Variants in PKP2 observed in about 807,000 individuals in gnomAD.
The protein encoded by PKP2 is plakophilin 2, also known as plakophilin-2.
In PKP2, 73 loss-of-function variants were observed where a neutral mutation model predicts 83.4. The ratio of observed to expected loss-of-function variants is 0.88; its 90% CI spans 0.72 to 1.06. PKP2 has a LOEUF of 1.06. Ranked by LOEUF, PKP2 falls within the 50% of genes least tolerant of loss-of-function variation. The probability of loss-of-function intolerance (pLI) is 0.00; values close to 1 mark genes in which losing one functional copy is unlikely to be tolerated. For missense variants in PKP2, 966 were observed against 1,065.4 expected, an observed-to-expected ratio of 0.91 and a Z score of 1.30; for synonymous variants, 409 against 430.4, an observed-to-expected ratio of 0.95 and a Z score of 0.62.
chr12:32,875,604 T>C (rs745588214), intron 3 of PKP2, among the ~76,000 whole-genome samples: 1 of 152,072 alleles, frequency 6.6e-6, no homozygotes, highest in East Asian at 1.9e-4. Flanking sequence ...GAAAGATAAT[T>C]CTGACAGTCC....
At position 32,896,664 on chromosome 12, in the gene PKP2, C is replaced by T. The variant is rs746530389; in HGVS notation, c.68G>A (p.Gly23Glu). Residue 23 changes from glycine (G) to glutamate (E), a missense_variant, in exon 1 of 13, where the codon GGA becomes GAA. By Grantham distance (98) the Gly-to-Glu change is moderately conservative. Transcript: ENST00000340811. Reference sequence around the variant, plus strand: ...CGCCAGGCTGGAGCTGTCCAGTTGTCCCAGGATCTGCTGGCCCAGGACGGT... The same window carrying T: ...CGCCAGGCTGGAGCTGTCCAGTTGTTCCAGGATCTGCTGGCCCAGGACGGT... ...IRTVLGQQIL[G>E]QLDSSSLALP... 5.2e-5 allele frequency: 81 copies of T among 1,559,436 alleles called. No individual in the cohort carries two copies. The highest frequency in any genetic ancestry group is 6.7e-5 in the Non-Finnish European group (78 of 1,161,890).
intron 1 of PKP2, among the ~76,000 whole-genome samples, chr12:32,887,680 G>A (rs1470070437): frequency 6.6e-6 from 1 of 152,154 alleles, no homozygotes; most frequent in African/African-American, 2.4e-5. Flanking sequence ...TCAAACTCCT[G>A]GCCTCAAGAG....
At chr12:32,874,349 G>C (rs1467715286) in intron 3 of PKP2, among the ~76,000 whole-genome samples, 1 of 152,114 alleles carries the variant, frequency 6.6e-6, no homozygotes, top group African/African-American at 2.4e-5. Flanking sequence ...AGAGGAAAGG[G>C]GGAGGTCAGA....
chr12:32,880,251 T>C (rs1370150008), intron 1 of PKP2, among the ~76,000 whole-genome samples: 4 of 151,168 alleles, frequency 2.6e-5, no homozygotes, highest in African/African-American at 9.7e-5. Context: ...AATACAAAAA[T>C]TAGTCGGGGG....
intron 6 of PKP2, among the ~76,000 whole-genome samples, chr12:32,824,746 T>C (rs1956419561): frequency 6.6e-6 from 1 of 152,238 alleles, no homozygotes; most frequent in African/African-American, 2.4e-5. Flanking sequence ...GAGTTTGCAG[T>C]GTGTAAGGCT....
chr12:32,809,820 G>C (rs968130168), intron 9 of PKP2, among the ~76,000 whole-genome samples: 1 of 152,126 alleles, frequency 6.6e-6, no homozygotes, highest in African/African-American at 2.4e-5. Flanking sequence ...TGGGGGTGGG[G>C]GTTCCTTTGG....
chr12:32,845,457 C>T (rs983955412), intron 5 of PKP2, among the ~76,000 whole-genome samples: 37 of 152,114 alleles, frequency 2.4e-4, no homozygotes, highest in Admixed American at 7.2e-4. Context: ...GAGGCTGAGG[C>T]AGGAGAATGG....
Position 32,861,930 on chromosome 12 carries a change from C to G in PKP2, c.1170+6997G>C, listed in dbSNP as rs552397640. ...TCTTTGAGACAGAGAGAGAGTCTCA[C>G]TCTGTTGCCCAGGCTGGAGTGCAGT... On this transcript the variant is annotated intron_variant, in intron 4 of 12. Transcript: ENST00000340811. 1.1e-4 allele frequency among the ~76,000 whole-genome samples: 17 copies of G among 152,300 alleles called. No homozygotes were observed. In the South Asian group the frequency reaches 3.5e-3, roughly 32 times the overall value.
intron 9 of PKP2, chr12:32,820,312 G>C (rs1304768644): frequency 6.6e-6 from 1 of 152,164 alleles, no homozygotes; most frequent in East Asian, 1.9e-4. Context: ...GAGCTATTTG[G>C]GGGGAGTTTA....
chr12:32,868,609 G>A (rs1421918329), intron 4 of PKP2, among the ~76,000 whole-genome samples: 4 of 152,012 alleles, frequency 2.6e-5, no homozygotes. Flanking sequence ...CGCAACCTCC[G>A]CCTTCTGGCT....
chr12:32,842,866 G>A (rs1956608884), intron 5 of PKP2, among the ~76,000 whole-genome samples: 1 of 151,828 alleles, frequency 6.6e-6, no homozygotes, highest in Admixed American at 6.6e-5. Context: ...GTAGAGACGG[G>A]GTTTCACCAT....
intron 10 of PKP2, among the ~76,000 whole-genome samples, chr12:32,802,180 A>ATTT (rs11459735): frequency 1.3e-5 from 2 of 150,672 alleles, no homozygotes; most frequent in African/African-American, 4.9e-5. Flanking sequence ...TTTTGTAGTA[A>ATTT]TTTTTTTTTT....
Position 32,877,904 on chromosome 12 carries a change from C to T in PKP2, c.976G>A (p.Ala326Thr), listed in dbSNP as rs148480056. 40 of 1,614,044 alleles carry T rather than the reference C, an allele frequency of 2.5e-5. No individual in the cohort carries two copies. The highest frequency in any genetic ancestry group is 4.5e-5 in the East Asian group (2 of 44,886). ...GTGAGCAGATTCCCACTTCCCCCTGCGGCCGCCTGGCCGACAGTCAAGTGC... is the reference window on the plus strand; with the variant it reads ...GTGAGCAGATTCCCACTTCCCCCTGTGGCCGCCTGGCCGACAGTCAAGTGC... Reference protein sequence around the residue: ...RAHLTVGQAAAGGSGNLLTER... With the variant: ...RAHLTVGQAATGGSGNLLTER... The change falls in exon 3 of 13, where the codon GCA becomes ACA. Residue 326 changes from alanine to threonine, a missense_variant. Physicochemically the swap from Ala to Thr is moderately conservative, Grantham distance 58. Transcript: ENST00000340811.
chr12:32,792,821 T>C, intron 11 of PKP2, 90 bp from the exon 12 acceptor site: 1 of 988,346 alleles, frequency 1.0e-6, no homozygotes, highest in Non-Finnish European at 1.6e-6. Flanking sequence ...TCTTCGCTCC[T>C]CAACTGCTAC....
chr12:32,795,933 A>T, intron 11 of PKP2, among the ~76,000 whole-genome samples, 176 bp downstream of exon 11: 1 of 152,206 alleles, frequency 6.6e-6, no homozygotes, highest in East Asian at 1.9e-4. Flanking sequence ...TGGTGGATTC[A>T]GTTCTTTCCT....
At chr12:32,893,389 A>C (rs1281110470) in intron 1 of PKP2, 12 of 152,218 alleles carry the variant, frequency 7.9e-5, no homozygotes, top group Non-Finnish European at 1.6e-4. Context: ...GGATAGTAAC[A>C]TGGAAATAAT....
At chr12:32,837,554 G>A (rs1164414783) in intron 6 of PKP2, among the ~76,000 whole-genome samples, 1 of 152,136 alleles carries the variant, frequency 6.6e-6, no homozygotes, top group Non-Finnish European at 1.5e-5. Flanking sequence ...ATACATTATG[G>A]CACTCACTTC....
chr12:32,810,675 A>ATTTTTTT lies in PKP2; in HGVS notation c.2014-8126_2014-8120dup, dbSNP rs1222143443. ...TTAGGGGAAAGTACATAGAATAAAC[A>ATTTTTTT]TTTTTTTTTTTTTTTTTTTTTTTTG... On this transcript the variant is annotated intron_variant, in intron 9 of 12. Coordinates refer to ENST00000340811, the MANE Select transcript of PKP2 (RefSeq NM_001005242.3). 7.6e-3 allele frequency among the ~76,000 whole-genome samples: 220 copies of ATTTTTTT among 28,766 alleles called. 66 individuals carry two copies. The highest frequency in any genetic ancestry group is 0.015 in the African/African-American group (190 of 12,616). 18.9% of individuals were successfully genotyped at this position (28,766 alleles called of 152,430 possible).
chr12:32,877,908 C>CAG lies in PKP2; in HGVS notation c.971_972insCT (p.Ala325TrpfsTer28), dbSNP rs779241371. 160 of 1,614,046 alleles carry CAG rather than the reference C, an allele frequency of 9.9e-5. No homozygotes were observed. Among genetic ancestry groups the CAG allele is most frequent in the African/African-American group, 1.7e-4 (13 of 74,934 alleles). On this transcript the variant is annotated frameshift_variant, in exon 3 of 13. Transcript: ENST00000340811. LOFTEE classifies it high-confidence loss of function. ...GCAGATTCCCACTTCCCCCTGCGGC[C>CAG]GCCTGGCCGACAGTCAAGTGCGCTC...
Sources: gnomAD v4.1 joint callset for allele counts (sites outside exome capture counted in the v4.1 genomes callset) on GRCh38, gnomAD v4.1.1 for gene constraint, MANE v1.5 for transcripts, NCBI Gene and HGNC (gene_info 2026-07-23, HGNC 2026-07-21) for gene names.